MSANTD3: variants seen among roughly 807,000 people sequenced by gnomAD.
The protein encoded by MSANTD3 is myb/SANT-like DNA-binding domain-containing protein 3.
MSANTD3 carries 11 observed loss-of-function variants against 27.7 expected under a neutral mutation model. The ratio of observed to expected loss-of-function variants is 0.40; its 90% CI spans 0.25 to 0.66. The LOEUF (loss-of-function observed/expected upper bound fraction) is 0.66, where lower values mean the gene tolerates loss of function less well. MSANTD3 is among the 30% of genes least tolerant of loss of function. The pLI is 0.41. For synonymous variants in MSANTD3, 131 were observed against 127.2 expected (o/e 1.03, Z -0.20); for missense variants, 250 against 336.5 (o/e 0.74, Z 2.01).
intron 1 of MSANTD3, among the ~76,000 whole-genome samples, chr9:100,427,981 C>G (rs896912586): frequency 6.6e-6 from 1 of 152,090 alleles, no homozygotes; most frequent in Admixed American, 6.5e-5. Flanking sequence ...CCCTCAGGTA[C>G]TATTGTGAAA....
Position 100,442,366 on chromosome 9 carries a change from C to T in MSANTD3, c.418+10C>T. 1 of 1,603,344 alleles carries T rather than the reference C, an allele frequency of 6.2e-7. No homozygotes were observed. Among genetic ancestry groups the T allele is most frequent in the Non-Finnish European group, 8.5e-7 (1 of 1,175,566 alleles). ...GACGCCTCAGCCCAAGGTATCCGTT[C>T]CTGATGCCAGTGTGCACGCTCTCAC... On this transcript the variant is annotated intron_variant, in intron 2 of 2. Coordinates refer to ENST00000395067, the MANE Select transcript of MSANTD3 (RefSeq NM_080655.3).
intron 2 of MSANTD3, among the ~76,000 whole-genome samples, chr9:100,446,795 C>T (rs1836764103): frequency 6.6e-6 from 1 of 151,228 alleles, no homozygotes; most frequent in African/African-American, 2.4e-5. Flanking sequence ...CCACTGCACT[C>T]CAGACTGGGT....
intron 1 of MSANTD3, among the ~76,000 whole-genome samples, chr9:100,434,684 C>T (rs532777377): frequency 6.6e-6 from 1 of 152,312 alleles, no homozygotes; most frequent in South Asian, 2.1e-4. Context: ...AGATCTAGCT[C>T]AAATGTCCTC....
chr9:100,443,326 G>A (rs1836674392), intron 2 of MSANTD3, among the ~76,000 whole-genome samples: 1 of 151,878 alleles, frequency 6.6e-6, no homozygotes, highest in African/African-American at 2.4e-5. Flanking sequence ...TTGAATTCGG[G>A]AGGCAGAGGT....
intron 1 of MSANTD3, among the ~76,000 whole-genome samples, chr9:100,429,827 C>A (rs1836329473): frequency 6.6e-6 from 1 of 151,914 alleles, no homozygotes; most frequent in Non-Finnish European, 1.5e-5. Context: ...CTCAGCCTCC[C>A]AAGTAGCTGA....
In MSANTD3 at chr9:100,450,446, A is replaced by G. The variant is rs148809231; in HGVS notation, c.419-111A>G. On this transcript the variant is annotated intron_variant, in intron 2 of 2. Transcript: ENST00000395067. ...AGACATGAAGACCAAAGCAGACATG[A>G]TTTTAGATACATCCTGTAATGAAGG... The G allele has an allele frequency of 7.6e-4, 782 of 1,035,376 alleles. 15 individuals carry two copies. The East Asian group carries it at 0.02, about 27-fold the overall frequency. 64.1% of individuals were successfully genotyped at this position (1,035,376 alleles called of 1,614,324 possible).
chr9:100,433,653 A>C (rs1418380058), intron 1 of MSANTD3, among the ~76,000 whole-genome samples: 1 of 152,206 alleles, frequency 6.6e-6, no homozygotes, highest in Non-Finnish European at 1.5e-5. Context: ...GTGATTACAG[A>C]TGGTGATCAC....
chr9:100,446,564 A>G (rs1322561158), intron 2 of MSANTD3, among the ~76,000 whole-genome samples: 1 of 152,072 alleles, frequency 6.6e-6, no homozygotes, highest in Non-Finnish European at 1.5e-5. Flanking sequence ...AGTGGTTCAC[A>G]CCTGTAATCC....
intron 2 of MSANTD3, among the ~76,000 whole-genome samples, chr9:100,443,477 A>T (rs1836679858): frequency 6.6e-6 from 1 of 152,098 alleles, no homozygotes; most frequent in Non-Finnish European, 1.5e-5. Context: ...TTTAGCATTC[A>T]CCCAGATTAA....
intron 1 of MSANTD3, among the ~76,000 whole-genome samples, chr9:100,434,993 G>A (rs1219545604): frequency 6.7e-6 from 1 of 149,814 alleles, no homozygotes; most frequent in African/African-American, 2.5e-5. Context: ...ACACACACGT[G>A]CGCACACACA....
intron 1 of MSANTD3, among the ~76,000 whole-genome samples, chr9:100,437,390 G>C (rs1836500749): frequency 6.6e-6 from 1 of 152,228 alleles, no homozygotes; most frequent in Non-Finnish European, 1.5e-5. Context: ...AAGCAGAGCA[G>C]AGAGGAGCAT....
At chr9:100,448,967 T>G in intron 2 of MSANTD3, 1 of 985,416 alleles carries the variant, frequency 1.0e-6, no homozygotes, top group Non-Finnish European at 1.2e-6. Flanking sequence ...CCATTTTCCT[T>G]TTATTAACAG....
At chr9:100,438,427 A>AGTGTGTGTGTGT (rs139680729) in intron 1 of MSANTD3, among the ~76,000 whole-genome samples, 8 of 151,268 alleles carry the variant, frequency 5.3e-5, no homozygotes, top group African/African-American at 1.5e-4. Context: ...TTATTTAGAA[A>AGTGTGTGTGTGT]GTGTGTGTGT....
intron 1 of MSANTD3, among the ~76,000 whole-genome samples, chr9:100,436,347 A>G (rs1279515419): frequency 6.6e-6 from 1 of 152,146 alleles, no homozygotes; most frequent in Non-Finnish European, 1.5e-5. Flanking sequence ...GTCATGTATG[A>G]TGCTGTGTGC....
intron 1 of MSANTD3, among the ~76,000 whole-genome samples, chr9:100,431,551 C>CA (rs1836377819): frequency 6.6e-6 from 1 of 151,968 alleles, no homozygotes; most frequent in African/African-American, 2.4e-5. Flanking sequence ...AGTACTCCCC[C>CA]ACTGCCTTCC....
At chr9:100,436,614 A>G (rs1836484097) in intron 1 of MSANTD3, among the ~76,000 whole-genome samples, 1 of 152,218 alleles carries the variant, frequency 6.6e-6, no homozygotes, top group Admixed American at 6.5e-5. Flanking sequence ...ATAAACAATT[A>G]TGGACAATTG....
intron 2 of MSANTD3, chr9:100,449,112 C>A: frequency 1.0e-6 from 1 of 985,232 alleles, no homozygotes; most frequent in Non-Finnish European, 1.2e-6. Context: ...GGAGAAGATG[C>A]TCGTTATTGG....
chr9:100,429,301 C>T (rs1836312261), intron 1 of MSANTD3, among the ~76,000 whole-genome samples: 1 of 152,142 alleles, frequency 6.6e-6, no homozygotes, highest in Non-Finnish European at 1.5e-5. Flanking sequence ...CTAGCTCTGC[C>T]ATTTCTTAGC....
chr9:100,450,202 T>C (rs1442086656), intron 2 of MSANTD3, among the ~76,000 whole-genome samples: 6 of 152,222 alleles, frequency 3.9e-5, no homozygotes, highest in Admixed American at 1.3e-4. Context: ...ACACTGGCCT[T>C]GCATTGTGGT....
Sources: allele counts gnomAD v4.1 joint callset (sites outside exome capture counted in the v4.1 genomes callset), GRCh38; gene constraint gnomAD v4.1.1; transcripts MANE v1.5; gene names NCBI Gene and HGNC (gene_info 2026-07-23, HGNC 2026-07-21).